The following LRRC2 variants were observed in gnomAD, a reference collection of about 807,000 sequenced individuals.
The protein encoded by LRRC2 is leucine rich repeat containing 2.
LRRC2 carries 27 observed loss-of-function variants against 40.2 expected under a neutral mutation model. The observed-to-expected ratio is 0.67, with a 90% CI of 0.49 to 0.93. The LOEUF (loss-of-function observed/expected upper bound fraction) is 0.93. Among genes scored for constraint, LRRC2 ranks in the 40% least tolerant of loss-of-function variants. The pLI, the probability that LRRC2 is intolerant of heterozygous loss-of-function variation, is 0.00. For missense variants in LRRC2, 402 were observed against 439.6 expected (o/e 0.91, Z 0.76); for synonymous variants, 147 against 158.9 (o/e 0.92, Z 0.56).
intron 1 of LRRC2, chr3:46,558,101 G>C (rs926853565): frequency 2.0e-5 from 3 of 152,220 alleles, no homozygotes; most frequent in Non-Finnish European, 4.4e-5. Context: ...CAAAGGGACT[G>C]TTCTGAGCCC....
chr3:46,552,069 A>C (rs1433942711), intron 1 of LRRC2, among the ~76,000 whole-genome samples: 1 of 152,108 alleles, frequency 6.6e-6, no homozygotes, highest in Non-Finnish European at 1.5e-5. Context: ...TTGTGTAAGT[A>C]AGTCATAGTT....
At chr3:46,546,332 A>G (rs922878545) in intron 2 of LRRC2, among the ~76,000 whole-genome samples, 1 of 152,250 alleles carries the variant, frequency 6.6e-6, no homozygotes, top group Non-Finnish European at 1.5e-5. Flanking sequence ...TGTGGGGCAC[A>G]GGCAAGCCTG....
At chr3:46,538,948 G>C in intron 4 of LRRC2, 97 bp downstream of exon 4, 1 of 1,323,800 alleles carries the variant, frequency 7.6e-7, no homozygotes, top group South Asian at 1.5e-5. Flanking sequence ...GGGGAAGCTG[G>C]AGAGGAAACA....
chr3:46,563,570 G>A (rs902398470), intron 1 of LRRC2, among the ~76,000 whole-genome samples: 4 of 152,100 alleles, frequency 2.6e-5, no homozygotes, highest in Non-Finnish European at 5.9e-5. Flanking sequence ...CTCCTGTCTG[G>A]CCTTCCCAGC....
rs79937599 is a variant in LRRC2 at position 46,537,767 on chromosome 3, A to C, written c.490+1278T>G. 4.6e-3 allele frequency among the ~76,000 whole-genome samples: 699 copies of C among 152,324 alleles called. 11 individuals carry two copies. The highest frequency in any genetic ancestry group is 0.016 in the African/African-American group (647 of 41,564). ...ATTTTACCCTGCTTAGAAGCTAATA[A>C]ATTTTGCCTATTCCTGTTTCATGGA... is the stretch of plus-strand genomic sequence containing the variant. On this transcript the variant is annotated intron_variant, in intron 4 of 8. Transcript: ENST00000395905.
In LRRC2 at chr3:46,559,771, TA is replaced by T. The variant is rs201532048; in HGVS notation, c.-20+6405del. ...AGGCCCTGACATATTTTTAAGTAGT[TA>T]TAAGTCATTACTACTCTCAGTATTT... On this transcript the variant is annotated intron_variant, in intron 1 of 8. Transcript: ENST00000395905. 3 of 152,232 alleles carry T rather than the reference TA, an allele frequency of 2.0e-5. No individual in the cohort carries two copies. The East Asian group carries it at 5.8e-4, about 29-fold the overall frequency. The allele number at this position is 152,232 out of a possible 1,614,324, so 9.4% of individuals were successfully genotyped here. A position where few individuals can be genotyped will look rare whatever the true frequency, so the allele number is the denominator to read the frequency against.
At chr3:46,534,035 C>A (rs1704220353) in intron 4 of LRRC2, among the ~76,000 whole-genome samples, 1 of 151,694 alleles carries the variant, frequency 6.6e-6, no homozygotes, top group Non-Finnish European at 1.5e-5. Flanking sequence ...AGGTTTTAAG[C>A]CCCACATGCA....
intron 5 of LRRC2, among the ~76,000 whole-genome samples, chr3:46,530,953 T>C (rs898614886): frequency 6.6e-6 from 1 of 152,278 alleles, no homozygotes; most frequent in South Asian, 2.1e-4. Context: ...TCAGACAAAT[T>C]ATATTTAAGA....
At chr3:46,525,866 T>C (rs906348394) in intron 7 of LRRC2, among the ~76,000 whole-genome samples, 14 of 152,210 alleles carry the variant, frequency 9.2e-5, no homozygotes, top group Non-Finnish European at 2.1e-4. Context: ...CTAGAGGTTT[T>C]CCTAGATATT....
intron 4 of LRRC2, among the ~76,000 whole-genome samples, chr3:46,536,226 C>T (rs1360068443): frequency 6.6e-6 from 1 of 152,182 alleles, no homozygotes; most frequent in African/African-American, 2.4e-5. Flanking sequence ...TACTGAGAGG[C>T]TTGATTTTAC....
rs1703866209 is a variant in LRRC2 at position 46,516,568 on chromosome 3, C to T, written c.*2446G>A. On this transcript the variant is annotated 3_prime_UTR_variant, in exon 9 of 9. Coordinates refer to ENST00000395905, the MANE Select transcript of LRRC2 (RefSeq NM_024512.5). ...TGGTAGCCACATGTGTGTGGGGTCC[C>T]CTAGTTTTCCTCATTTTTGTCTCTG... is the stretch of plus-strand genomic sequence containing the variant. The T allele has an allele frequency of 1.3e-5, 2 of 152,120 alleles. No individual in the cohort carries two copies. Among genetic ancestry groups the T allele is most frequent in the South Asian group, 2.1e-4 (1 of 4,818 alleles). 9.4% of individuals were successfully genotyped at this position (152,120 alleles called of 1,614,324 possible).
Position 46,561,534 on chromosome 3 carries a change from C to T in LRRC2, c.-20+4643G>A, listed in dbSNP as rs570774763. Among the ~76,000 whole-genome samples, 137 of 147,206 alleles carry T rather than the reference C, an allele frequency of 9.3e-4. 1 individual carries two copies. Among genetic ancestry groups the T allele is most frequent in the Middle Eastern group, 3.5e-3 (1 of 282 alleles). On this transcript the variant is annotated intron_variant, in intron 1 of 8. Coordinates refer to ENST00000395905, the MANE Select transcript of LRRC2 (RefSeq NM_024512.5). ...CATCAGTGCACTCCAGCCTGGGTCT[C>T]AAAAAAACAAAAAGAGAGGGGAGAG... is the stretch of plus-strand genomic sequence containing the variant.
intron 2 of LRRC2, among the ~76,000 whole-genome samples, chr3:46,550,377 C>CTTTTTTT (rs34602158): frequency 3.6e-5 from 3 of 84,006 alleles, no homozygotes; most frequent in African/African-American, 5.0e-5. Flanking sequence ...CCTTACACAT[C>CTTTTTTT]TTTTTTTTTT....
intron 4 of LRRC2, among the ~76,000 whole-genome samples, chr3:46,538,583 G>A (rs546957903): frequency 4.6e-5 from 7 of 152,128 alleles, no homozygotes; most frequent in South Asian, 2.1e-4. Flanking sequence ...GCAGTGAGCC[G>A]AGATTGTGCC....
chr3:46,525,550 A>G (rs1436947715), intron 7 of LRRC2, among the ~76,000 whole-genome samples: 1 of 152,106 alleles, frequency 6.6e-6, no homozygotes, highest in Non-Finnish European at 1.5e-5. Context: ...GTGCCTGGCC[A>G]CACTATAATC....
At position 46,516,245 on chromosome 3, in the gene LRRC2, C is replaced by G. The variant is rs1703861431; in HGVS notation, c.*2769G>C. On this transcript the variant is annotated 3_prime_UTR_variant, in exon 9 of 9. Transcript: ENST00000395905. ...TGCTGGGATTATAGGCGTGAGTCAC[C>G]GCGCCCGGCCCTCTTGTCTTCTCTT... The G allele has an allele frequency of 6.6e-6, 1 of 151,904 alleles. No individual in the cohort carries two copies. The highest frequency in any genetic ancestry group is 2.4e-5 in the African/African-American group (1 of 41,286). The allele number at this position is 151,904 out of a possible 1,614,324, so 9.4% of individuals were successfully genotyped here. A position where few individuals can be genotyped will look rare whatever the true frequency, so the allele number is the denominator to read the frequency against.
At chr3:46,558,196 TC>T (rs1232146718) in intron 1 of LRRC2, 1 of 152,256 alleles carries the variant, frequency 6.6e-6, no homozygotes, top group Admixed American at 6.5e-5. Flanking sequence ...GGAAGCCTCT[TC>T]CTACTACCTT....
At chr3:46,536,038 A>C (rs963367984) in intron 4 of LRRC2, among the ~76,000 whole-genome samples, 1 of 152,208 alleles carries the variant, frequency 6.6e-6, no homozygotes, top group African/African-American at 2.4e-5. Context: ...CTCCGCCTTC[A>C]TGGTGTGATC....
rs903250099 is a variant in LRRC2 at position 46,537,124 on chromosome 3, GTTGT to G, written c.490+1917_490+1920del. 6.6e-5 allele frequency among the ~76,000 whole-genome samples: 10 copies of G among 152,200 alleles called. No homozygotes were observed. In the East Asian group the frequency reaches 1.4e-3, roughly 21 times the overall value. ...GACAGAACCTTTCTACTTGAAAAGG[GTTGT>G]TTGTTTGTTTGTTTTGAGACAGGGT... On this transcript the variant is annotated intron_variant, in intron 4 of 8. Coordinates refer to ENST00000395905, the MANE Select transcript of LRRC2 (RefSeq NM_024512.5).
Sources: allele counts gnomAD v4.1 joint callset (sites outside exome capture counted in the v4.1 genomes callset), GRCh38; gene constraint gnomAD v4.1.1; transcripts MANE v1.5; gene names NCBI Gene and HGNC (gene_info 2026-07-23, HGNC 2026-07-21).